AAK1: variants seen among roughly 807,000 people sequenced by gnomAD.
The protein encoded by AAK1 is AP2-associated protein kinase 1.
A neutral mutation model predicts 116.0 loss-of-function variants in AAK1; 37 were observed. The observed-to-expected ratio is 0.32, with a 90% CI of 0.25 to 0.42. The LOEUF (loss-of-function observed/expected upper bound fraction) is 0.42. AAK1 is among the 10% of genes least tolerant of loss of function. The pLI, the probability that AAK1 is intolerant of heterozygous loss-of-function variation, is 1.00. For synonymous variants in AAK1, 458 were observed against 439.9 expected, an observed-to-expected ratio of 1.04 and a Z score of -0.51; for missense variants, 919 against 1,170.6, an observed-to-expected ratio of 0.79 and a Z score of 3.14.
rs1675670167 is a variant in AAK1, at chr2:69,640,460, A to G, written c.163+2418T>C. On this transcript the variant is annotated intron_variant, in intron 2 of 21. Coordinates refer to ENST00000409085, the MANE Select transcript of AAK1 (RefSeq NM_014911.5). ...CCTAGATCTGTCTGACTCTACAGACAGTGCTGGTAACCATGCTACTGTATG... is the reference window on the plus strand; with the variant it reads ...CCTAGATCTGTCTGACTCTACAGACGGTGCTGGTAACCATGCTACTGTATG... Among the ~76,000 whole-genome samples, 3 of 148,954 alleles carry G rather than the reference A, an allele frequency of 2.0e-5. No individual in the cohort carries two copies. In the South Asian group the frequency reaches 6.3e-4, roughly 32 times the overall value.
intron 2 of AAK1, among the ~76,000 whole-genome samples, chr2:69,642,676 G>C (rs985586112): frequency 5.3e-5 from 8 of 151,994 alleles, no homozygotes; most frequent in African/African-American, 1.9e-4. Flanking sequence ...AACAATTTCG[G>C]CAACCTCCCC....
chr2:69,578,348 G>C (rs1672400334), intron 2 of AAK1, among the ~76,000 whole-genome samples: 1 of 152,180 alleles, frequency 6.6e-6, no homozygotes, highest in Non-Finnish European at 1.5e-5. Context: ...TCAATCCTAA[G>C]GAAACCTGAG....
At chr2:69,585,811 A>G (rs1672740752) in intron 2 of AAK1, among the ~76,000 whole-genome samples, 1 of 152,234 alleles carries the variant, frequency 6.6e-6, no homozygotes, top group African/African-American at 2.4e-5. Context: ...AAACTTGTTT[A>G]CATAAACTTG....
intron 2 of AAK1, among the ~76,000 whole-genome samples, chr2:69,577,606 G>A (rs1302474664): frequency 1.3e-5 from 2 of 152,228 alleles, no homozygotes; most frequent in African/African-American, 4.8e-5. Context: ...AGACCAGGCT[G>A]TGGTAGGGAT....
chr2:69,490,772 AT>A, intron 17 of AAK1, among the ~76,000 whole-genome samples: 1 of 152,264 alleles, frequency 6.6e-6, no homozygotes, highest in East Asian at 1.9e-4. Flanking sequence ...AATATACTTA[AT>A]GCCACTGAAC....
chr2:69,493,759 C>T (rs1426701211), intron 17 of AAK1, among the ~76,000 whole-genome samples: 1 of 152,084 alleles, frequency 6.6e-6, no homozygotes, highest in Non-Finnish European at 1.5e-5. Flanking sequence ...CCACACTGGG[C>T]CTTTCTGAGC....
chr2:69,594,927 C>T, intron 2 of AAK1: 1 of 1,108,436 alleles, frequency 9.0e-7, no homozygotes. Flanking sequence ...TACAGCCACT[C>T]TGCTTCCTGT....
intron 2 of AAK1, among the ~76,000 whole-genome samples, chr2:69,568,294 C>T (rs982084851): frequency 1.3e-5 from 2 of 152,174 alleles, no homozygotes; most frequent in African/African-American, 4.8e-5. Context: ...CAGTTTTCCA[C>T]ACTTACTGCT....
intron 16 of AAK1, among the ~76,000 whole-genome samples, chr2:69,502,268 A>C (rs1274886315): frequency 6.6e-6 from 1 of 152,194 alleles, no homozygotes; most frequent in Non-Finnish European, 1.5e-5. Context: ...TTACAAAATG[A>C]ATCTAAAAGG....
chr2:69,525,190 G>T, intron 9 of AAK1, 78 bp from the exon 10 acceptor site: 1 of 1,415,738 alleles, frequency 7.1e-7, no homozygotes, highest in Non-Finnish European at 9.9e-7. Flanking sequence ...CAGCCTGACT[G>T]GGACTGAGAG....
At chr2:69,585,482 T>C (rs1346011351) in intron 2 of AAK1, among the ~76,000 whole-genome samples, 1 of 152,186 alleles carries the variant, frequency 6.6e-6, no homozygotes, top group Non-Finnish European at 1.5e-5. Context: ...ACTGGGACAG[T>C]AGTTATGTTG....
At chr2:69,485,699 G>A (rs568172637) in intron 17 of AAK1, among the ~76,000 whole-genome samples, 53 of 143,010 alleles carry the variant, frequency 3.7e-4, no homozygotes, top group Non-Finnish European at 6.2e-4. Flanking sequence ...CGCTCTTGTC[G>A]CCCAGGCTGG....
At chr2:69,506,541 T>A (rs1676191139) in intron 15 of AAK1, among the ~76,000 whole-genome samples, 1 of 152,078 alleles carries the variant, frequency 6.6e-6, no homozygotes, top group South Asian at 2.1e-4. Context: ...TTTTTAAAAT[T>A]TTTTGTAGAG....
chr2:69,509,575 A>G, intron 13 of AAK1, 115 bp from the exon 14 acceptor site: 1 of 830,242 alleles, frequency 1.2e-6, no homozygotes, highest in East Asian at 2.7e-5. Context: ...CACTAACATG[A>G]AACTCACATG....
At chr2:69,479,163 A>C (rs1178416765) in intron 19 of AAK1, 102 bp from the exon 20 acceptor site, 1 of 823,652 alleles carries the variant, frequency 1.2e-6, no homozygotes, top group Non-Finnish European at 2.0e-6. Flanking sequence ...CTGCATTTAC[A>C]CGTTACACAT....
intron 2 of AAK1, among the ~76,000 whole-genome samples, chr2:69,638,132 A>G (rs1180491147): frequency 6.6e-6 from 1 of 152,216 alleles, no homozygotes; most frequent in Non-Finnish European, 1.5e-5. Context: ...CCAGCAGGCA[A>G]AGACATCTGA....
intron 2 of AAK1, among the ~76,000 whole-genome samples, chr2:69,592,740 T>G (rs539349811): frequency 6.6e-6 from 1 of 152,220 alleles, no homozygotes; most frequent in African/African-American, 2.4e-5. Flanking sequence ...AGTTCTACCC[T>G]GAGATTCACA....
Position 69,474,345 on chromosome 2 carries a change from G to A in AAK1, c.*1524C>T. ...CACTAGAGGAAAAGAACAGGAGTGG[G>A]GTTCTCTGTGCCCACTTCTTTTCAA... On this transcript the variant is annotated 3_prime_UTR_variant, in exon 22 of 22. Coordinates refer to ENST00000409085, the MANE Select transcript of AAK1 (RefSeq NM_014911.5). 4.1e-6 allele frequency: 4 copies of A among 985,780 alleles called. No homozygotes were observed. Among genetic ancestry groups the A allele is most frequent in the Non-Finnish European group, 4.8e-6 (4 of 829,912 alleles). 61.1% of individuals were successfully genotyped at this position (985,780 alleles called of 1,614,324 possible).
chr2:69,643,231 C>T lies in AAK1; in HGVS notation c.-191G>A. Reference sequence around the variant, plus strand: ...AGGAATATGCGTGTCAATCGCGCAGCGGGTCCCCTCCTCCTCCAGAAAGCG... The same window carrying T: ...AGGAATATGCGTGTCAATCGCGCAGTGGGTCCCCTCCTCCTCCAGAAAGCG... On this transcript the variant is annotated 5_prime_UTR_variant, in exon 2 of 22. Coordinates refer to ENST00000409085, the MANE Select transcript of AAK1 (RefSeq NM_014911.5). 1 of 1,406,332 alleles carries T rather than the reference C, an allele frequency of 7.1e-7. No homozygotes were observed. Among genetic ancestry groups the T allele is most frequent in the Non-Finnish European group, 9.2e-7 (1 of 1,087,638 alleles). 87.1% of individuals were successfully genotyped at this position (1,406,332 alleles called of 1,614,324 possible).
Sources: allele counts gnomAD v4.1 joint callset (sites outside exome capture counted in the v4.1 genomes callset), GRCh38; gene constraint gnomAD v4.1.1; transcripts MANE v1.5; gene names NCBI Gene and HGNC (gene_info 2026-07-23, HGNC 2026-07-21).